The following SLMAP variants were observed in gnomAD, a reference collection of about 807,000 sequenced individuals.
SLMAP encodes the protein sarcolemma associated protein, also known as sarcolemmal membrane-associated protein.
SLMAP carries 44 observed loss-of-function variants against 128.8 expected under a neutral mutation model. That is an observed-to-expected ratio of 0.34 (90% CI 0.27 to 0.44). SLMAP has a LOEUF of 0.44. Ranked by LOEUF, SLMAP falls within the 20% of genes least tolerant of loss-of-function variation. The pLI is 1.00. For synonymous variants in SLMAP, 327 were observed against 348.8 expected (o/e 0.94, Z 0.70); for missense variants, 787 against 985.3 (o/e 0.80, Z 2.69).
chr3:57,876,813 A>G (rs993614856), intron 14 of SLMAP, among the ~76,000 whole-genome samples: 1 of 152,238 alleles, frequency 6.6e-6, no homozygotes, highest in Admixed American at 6.5e-5. Context: ...AACTGCCATC[A>G]CTTGGTGGGC....
chr3:57,905,158 T>G (rs1211424041), intron 17 of SLMAP, among the ~76,000 whole-genome samples: 1 of 152,146 alleles, frequency 6.6e-6, no homozygotes, highest in African/African-American at 2.4e-5. Context: ...TGGACAGACT[T>G]AAGAAGTGTG....
chr3:57,898,012 C>T (rs951476524), intron 17 of SLMAP: 1 of 152,164 alleles, frequency 6.6e-6, no homozygotes, highest in Non-Finnish European at 1.5e-5. Flanking sequence ...TAACACCAGA[C>T]AGCTCTCTGG....
chr3:57,787,548 C>T (rs2084486074), intron 2 of SLMAP, among the ~76,000 whole-genome samples: 1 of 152,212 alleles, frequency 6.6e-6, no homozygotes, highest in South Asian at 2.1e-4. Flanking sequence ...GCAATCTCCG[C>T]TCACTGCAAC....
At chr3:57,906,674 A>AAT (rs71091317) in intron 17 of SLMAP, among the ~76,000 whole-genome samples, 1,033 of 67,398 alleles carry the variant, frequency 0.015, 7 homozygotes, top group African/African-American at 0.035. Flanking sequence ...ATGAAAAAAA[A>AAT]ATATATATAT....
intron 13 of SLMAP, among the ~76,000 whole-genome samples, chr3:57,865,560 C>G (rs957820687): frequency 5.9e-5 from 9 of 152,048 alleles, no homozygotes; most frequent in Non-Finnish European, 8.8e-5. Flanking sequence ...TAATATAGAT[C>G]TTTTTCCCCA....
At chr3:57,869,488 A>G (rs2095415834) in intron 13 of SLMAP, among the ~76,000 whole-genome samples, 1 of 151,046 alleles carries the variant, frequency 6.6e-6, no homozygotes, top group East Asian at 2.0e-4. Flanking sequence ...GCAGTGGTAC[A>G]TGCCTGTTGT....
chr3:57,832,706 T>C (rs778021755), intron 3 of SLMAP, among the ~76,000 whole-genome samples: 9 of 152,186 alleles, frequency 5.9e-5, no homozygotes, highest in Non-Finnish European at 5.9e-5. Flanking sequence ...CTGGTGTGTG[T>C]GTGTTCATAT....
intron 2 of SLMAP, among the ~76,000 whole-genome samples, chr3:57,759,819 A>C (rs2078263003): frequency 6.6e-6 from 1 of 152,222 alleles, no homozygotes; most frequent in Non-Finnish European, 1.5e-5. Flanking sequence ...ACTTATTTGA[A>C]AAATACTGAT....
intron 17 of SLMAP, 35 bp from the exon 18 acceptor site, chr3:57,907,845 TACTA>T: frequency 6.3e-7 from 1 of 1,598,814 alleles, no homozygotes; most frequent in African/African-American, 1.3e-5. Flanking sequence ...TATAGTGTGA[TACTA>T]ACTCTTGCTT....
intron 2 of SLMAP, among the ~76,000 whole-genome samples, chr3:57,827,123 G>T (rs903869100): frequency 2.0e-5 from 3 of 152,136 alleles, no homozygotes; most frequent in Admixed American, 2.0e-4. Flanking sequence ...CCCCTATATG[G>T]ACTTAGAGTT....
At chr3:57,917,794 T>G (rs2096842517) in intron 22 of SLMAP, 1 of 152,302 alleles carries the variant, frequency 6.6e-6, no homozygotes, top group South Asian at 2.1e-4. Flanking sequence ...ACTCCCTGCA[T>G]TGACTCCTGG....
At chr3:57,863,963 A>AT (rs1029384712) in intron 10 of SLMAP, among the ~76,000 whole-genome samples, 14 of 151,582 alleles carry the variant, frequency 9.2e-5, no homozygotes, top group South Asian at 2.1e-4. Flanking sequence ...TAAAAATACG[A>AT]TTTTTTTTTC....
intron 22 of SLMAP, chr3:57,917,391 G>A (rs1319250927): frequency 1.9e-5 from 8 of 417,432 alleles, no homozygotes; most frequent in East Asian, 1.4e-4. Context: ...AGAGAGTATC[G>A]TATGTAACTT....
chr3:57,927,853 A>G lies in SLMAP; in HGVS notation c.*564A>G, dbSNP rs569280546. 6.6e-6 allele frequency: 1 copy of G among 152,468 alleles called. No homozygotes were observed. Among genetic ancestry groups the G allele is most frequent in the South Asian group, 2.1e-4 (1 of 4,818 alleles). 9.4% of individuals were successfully genotyped at this position (152,468 alleles called of 1,614,324 possible). A position where few individuals can be genotyped will look rare whatever the true frequency, so the allele number is the denominator to read the frequency against. On this transcript the variant is annotated 3_prime_UTR_variant, in exon 25 of 25. Coordinates refer to ENST00000671191, the MANE Select transcript of SLMAP (RefSeq NM_001377540.1). ...ATCAGTTTGAAATATATACACATATATATATTTTTTACATATTTACGCCAT... is the reference window on the plus strand; with the variant it reads ...ATCAGTTTGAAATATATACACATATGTATATTTTTTACATATTTACGCCAT...
chr3:57,879,593 G>T (rs541792962), intron 14 of SLMAP, among the ~76,000 whole-genome samples: 2 of 152,206 alleles, frequency 1.3e-5, no homozygotes, highest in African/African-American at 4.8e-5. Flanking sequence ...ATATTATTTG[G>T]TCATGTATAT....
chr3:57,852,974 A>T (rs1211198143), intron 6 of SLMAP, among the ~76,000 whole-genome samples: 2 of 152,364 alleles, frequency 1.3e-5, no homozygotes, highest in African/African-American at 4.8e-5. Context: ...ACTGGAATAG[A>T]TGCATTTTAT....
At chr3:57,818,443 C>T (rs780706234) in intron 2 of SLMAP, among the ~76,000 whole-genome samples, 3 of 152,230 alleles carry the variant, frequency 2.0e-5, no homozygotes, top group Non-Finnish European at 4.4e-5. Flanking sequence ...GCGTGAGCCA[C>T]TGCGCCTGGC....
intron 2 of SLMAP, among the ~76,000 whole-genome samples, chr3:57,787,712 G>A (rs1466737529): frequency 6.6e-6 from 1 of 152,174 alleles, no homozygotes; most frequent in African/African-American, 2.4e-5. Context: ...CTGACCTCAA[G>A]TGATCTGCCC....
intron 16 of SLMAP, 33 bp downstream of exon 16, chr3:57,896,624 G>A: frequency 6.7e-7 from 1 of 1,501,022 alleles, no homozygotes; most frequent in South Asian, 1.2e-5. Flanking sequence ...CAGACCTGCA[G>A]CTGTTAATGG....
Sources: gnomAD v4.1 joint callset for allele counts (sites outside exome capture counted in the v4.1 genomes callset) on GRCh38, gnomAD v4.1.1 for gene constraint, MANE v1.5 for transcripts, NCBI Gene and HGNC (gene_info 2026-07-23, HGNC 2026-07-21) for gene names.